Variants in SSPN observed in about 807,000 individuals in gnomAD.
The protein encoded by SSPN is sarcospan.
In SSPN, 15 loss-of-function variants were observed where a neutral mutation model predicts 19.1. The ratio of observed to expected loss-of-function variants is 0.78; its 90% CI spans 0.52 to 1.21. The LOEUF (loss-of-function observed/expected upper bound fraction) is 1.21, where lower values mean the gene tolerates loss of function less well. Ranked by LOEUF, SSPN falls within the 50% of genes most tolerant of loss-of-function variation. The pLI is 0.00. For synonymous variants in SSPN, 147 were observed against 140.3 expected, an observed-to-expected ratio of 1.05 and a Z score of -0.34; for missense variants, 291 against 314.0, an observed-to-expected ratio of 0.93 and a Z score of 0.55.
intron 1 of SSPN, among the ~76,000 whole-genome samples, chr12:26,208,894 T>C (rs985826614): frequency 6.6e-6 from 1 of 152,128 alleles, no homozygotes; most frequent in Non-Finnish European, 1.5e-5. Flanking sequence ...TGATTTTCCT[T>C]AGTTCTATTG....
rs532735311 is a variant in SSPN at position 26,156,329 on chromosome 12, C to T, written c.-31+34177C>T. ...TTAGAAAGCCCACAGTATTTTCATT[C>T]GAACTTGGGAAAGGAAGTGCTAAGC... On this transcript the variant is annotated intron_variant, in intron 1 of 2. Transcript: ENST00000538142. Among the ~76,000 whole-genome samples the T allele has an allele frequency of 1.4e-4, 21 of 152,214 alleles. No individual in the cohort carries two copies. The South Asian group carries it at 1.9e-3, about 14-fold the overall frequency.
At chr12:26,182,555 AC>A (rs1944724979) in intron 1 of SSPN, among the ~76,000 whole-genome samples, 1 of 148,130 alleles carries the variant, frequency 6.8e-6, no homozygotes, top group Non-Finnish European at 1.5e-5. Flanking sequence ...TGGTATCTGG[AC>A]CCCGTCTCCC....
intron 2 of SSPN, among the ~76,000 whole-genome samples, chr12:26,229,270 C>T (rs1418412126): frequency 6.6e-6 from 1 of 152,188 alleles, no homozygotes; most frequent in Non-Finnish European, 1.5e-5. Context: ...TACGCTCTTC[C>T]AGTGACCTTA....
chr12:26,155,186 C>T, intron 1 of SSPN, among the ~76,000 whole-genome samples: 1 of 152,072 alleles, frequency 6.6e-6, no homozygotes, highest in East Asian at 1.9e-4. Flanking sequence ...TACAGAAAGG[C>T]CATTGGGTAA....
chr12:26,156,630 C>A (rs1011066560), intron 1 of SSPN, among the ~76,000 whole-genome samples: 2 of 152,126 alleles, frequency 1.3e-5, no homozygotes, highest in African/African-American at 4.8e-5. Flanking sequence ...TGGAGAAACC[C>A]CTGACAATGA....
chr12:26,195,185 G>A (rs566521002), upstream of SSPN, among the ~76,000 whole-genome samples: 1 of 152,168 alleles, frequency 6.6e-6, no homozygotes, highest in African/African-American at 2.4e-5. Flanking sequence ...AAATGACTTC[G>A]CAGCTTAGAG....
rs1191683552 is a variant in SSPN at position 26,234,111 on chromosome 12, C to G, written c.*3035C>G. On this transcript the variant is annotated 3_prime_UTR_variant, in exon 3 of 3. Coordinates refer to ENST00000242729, the MANE Select transcript of SSPN (RefSeq NM_005086.5). The stretch of plus-strand genomic sequence containing the variant: ...ATAGGTTGTTCTGACAGTGAGAACA[C>G]ATTATGTACATGTTTTCTATTCATG... 1 of 152,164 alleles carries G rather than the reference C, an allele frequency of 6.6e-6. No individual in the cohort carries two copies. The highest frequency in any genetic ancestry group is 2.4e-5 in the African/African-American group (1 of 41,426). 9.4% of individuals were successfully genotyped at this position (152,164 alleles called of 1,614,324 possible).
chr12:26,222,132 AT>A (rs1355100582), intron 1 of SSPN, among the ~76,000 whole-genome samples: 1 of 152,122 alleles, frequency 6.6e-6, no homozygotes, highest in Non-Finnish European at 1.5e-5. Flanking sequence ...TTCTCTCCAG[AT>A]CTCTCCAGTC....
chr12:26,217,901 C>T (rs569075805), intron 1 of SSPN, among the ~76,000 whole-genome samples: 73 of 152,256 alleles, frequency 4.8e-4, no homozygotes, highest in Admixed American at 6.5e-4. Context: ...TTGTGGAAGT[C>T]AGTATGGCGA....
intron 1 of SSPN, among the ~76,000 whole-genome samples, chr12:26,187,464 G>C (rs565058547): frequency 6.6e-6 from 1 of 152,238 alleles, no homozygotes; most frequent in African/African-American, 2.4e-5. Flanking sequence ...CAGGAATTCA[G>C]TAACTTCTAT....
intron 1 of SSPN, among the ~76,000 whole-genome samples, chr12:26,170,461 A>C (rs188413857): frequency 2.0e-5 from 3 of 152,340 alleles, no homozygotes; most frequent in Admixed American, 2.0e-4. Context: ...AGACTTCATA[A>C]TATAGTGCTA....
At position 26,122,282 on chromosome 12, in the gene SSPN, C is replaced by CGCG. The variant is rs909227356; in HGVS notation, c.-31+145_-31+147dup. ...ACAACACCGAGGACAGGCAGGGGAACGCGGCGGCGGCGGCGGCAGCGGCGG... is the reference window on the plus strand; with the variant it reads ...ACAACACCGAGGACAGGCAGGGGAACGCGGCGGCGGCGGCGGCGGCAGCGGCGG... On this transcript the variant is annotated intron_variant, in intron 1 of 2. Transcript: ENST00000538142. 1.3e-4 allele frequency: 154 copies of CGCG among 1,202,362 alleles called. No individual in the cohort carries two copies. The East Asian group carries it at 2.2e-3, about 17-fold the overall frequency. The allele number at this position is 1,202,362 out of a possible 1,614,324, so 74.5% of individuals were successfully genotyped here.
intron 1 of SSPN, among the ~76,000 whole-genome samples, chr12:26,137,746 C>T (rs1182763265): frequency 1.4e-5 from 2 of 138,844 alleles, no homozygotes; most frequent in Non-Finnish European, 3.0e-5. Flanking sequence ...CTCATTGCAA[C>T]TGCCACCTCC....
At chr12:26,190,976 T>C (rs1042020788), upstream of SSPN, among the ~76,000 whole-genome samples, 2 of 152,212 alleles carry the variant, frequency 1.3e-5, no homozygotes, top group South Asian at 2.1e-4. Context: ...CATTTTGCCT[T>C]CTAAAACTTT....
At chr12:26,166,756 C>A (rs1944623761) in intron 1 of SSPN, among the ~76,000 whole-genome samples, 2 of 152,192 alleles carry the variant, frequency 1.3e-5, no homozygotes, top group Admixed American at 6.5e-5. Flanking sequence ...GTAACTGAGA[C>A]AGAGACCATA....
chr12:26,158,170 G>A (rs923512557), intron 1 of SSPN, among the ~76,000 whole-genome samples: 3 of 152,110 alleles, frequency 2.0e-5, no homozygotes, highest in African/African-American at 7.2e-5. Flanking sequence ...CCTATGCATT[G>A]TTCAGCTCTT....
chr12:26,196,596 A>G (rs183291366), intron 1 of SSPN, among the ~76,000 whole-genome samples: 2 of 152,316 alleles, frequency 1.3e-5, no homozygotes, highest in East Asian at 3.9e-4. Flanking sequence ...TCTAAGTTGA[A>G]CAGTACTCAG....
chr12:26,224,449 C>A lies in SSPN; in HGVS notation c.366+70C>A, dbSNP rs1426531501. 13 of 1,317,720 alleles carry A rather than the reference C, an allele frequency of 9.9e-6. 1 individual carries two copies. In the Admixed American group the frequency reaches 2.2e-4, roughly 22 times the overall value. 81.6% of individuals were successfully genotyped at this position (1,317,720 alleles called of 1,614,324 possible). On this transcript the variant is annotated intron_variant, in intron 2 of 2. Coordinates refer to ENST00000242729, the MANE Select transcript of SSPN (RefSeq NM_005086.5). ...AATCCAAGTACAAAATAAAGGAGTG[C>A]CTTCTTAAGGGGTTGCATATCTGAT...
At chr12:26,140,485 G>A (rs1222786514) in intron 1 of SSPN, among the ~76,000 whole-genome samples, 1 of 152,166 alleles carries the variant, frequency 6.6e-6, no homozygotes, top group East Asian at 1.9e-4. Flanking sequence ...TGAGAGAGTG[G>A]ACCTGGTTTG....
Sources: gnomAD v4.1 joint callset for allele counts (sites outside exome capture counted in the v4.1 genomes callset) on GRCh38, gnomAD v4.1.1 for gene constraint, MANE v1.5 for transcripts, NCBI Gene and HGNC (gene_info 2026-07-23, HGNC 2026-07-21) for gene names.